The following FHDC1 variants were observed in gnomAD, a reference collection of about 807,000 sequenced individuals.
FHDC1 encodes the protein FH2 domain containing 1, also known as FH2 domain-containing protein 1.
A neutral mutation model predicts 52.6 loss-of-function variants in FHDC1; 25 were observed. The ratio of observed to expected loss-of-function variants is 0.48; its 90% confidence interval spans 0.35 to 0.66. The LOEUF (loss-of-function observed/expected upper bound fraction) is 0.66. Ranked by LOEUF, FHDC1 falls within the 30% of genes least tolerant of loss-of-function variation. The probability of loss-of-function intolerance (pLI) is 0.01; values close to 1 mark genes in which losing one functional copy is unlikely to be tolerated. For missense variants in FHDC1, 1,459 were observed against 1,452.8 expected, an observed-to-expected ratio of 1.00 and a Z score of -0.07; for synonymous variants, 616 against 581.5, an observed-to-expected ratio of 1.06 and a Z score of -0.85.
rs774589425 is a variant in FHDC1, at chr4:152,975,462, T to A, written c.2171T>A (p.Leu724Gln). Residue 724 changes from leucine to glutamine, a missense_variant, in exon 12 of 12, where the codon CTG (leucine) becomes CAG (glutamine). By Grantham distance (113) the Leu-to-Gln change is moderately radical. Around this residue, in one of 3 missense-constraint regions of FHDC1, gnomAD observed 939 missense variants for 854.5 expected, o/e 1.10. Transcript: ENST00000511601. The part of the protein sequence containing the change: ...PQSLSASSSS[L>Q]TPMGRDALGS... ...TCCCTCAGTGCCAGCAGCAGCAGCCTGACACCCATGGGCAGAGATGCCCTG... is the reference window on the plus strand; with the variant it reads ...TCCCTCAGTGCCAGCAGCAGCAGCCAGACACCCATGGGCAGAGATGCCCTG... The A allele has an allele frequency of 1.2e-5, 19 of 1,613,246 alleles. No homozygotes were observed. The highest frequency in any genetic ancestry group is 5.0e-5 in the Admixed American group (3 of 60,008).
At chr4:152,949,109 T>TAAGAAGAAGAAGAAG in intron 2 of FHDC1, among the ~76,000 whole-genome samples, 1 of 75,072 alleles carries the variant, frequency 1.3e-5, no homozygotes, top group South Asian at 5.5e-4. Context: ...ATAATAATAA[T>TAAGAAGAAGAAGAAG]AATAATAATA....
In FHDC1 at chr4:152,972,474, C is replaced by A. The variant is rs1561214564; in HGVS notation, c.1316C>A (p.Thr439Asn). 4 of 1,613,784 alleles carry A rather than the reference C, an allele frequency of 2.5e-6. No homozygotes were observed. The highest frequency in any genetic ancestry group is 2.2e-5 in the East Asian group (1 of 44,882). ...GATTTTTTCTGTGAAGACAAAAAAA[C>A]CATGAAACTGGATGAATGCTTTCAG... ...LIDFFCEDKK[T>N]MKLDECFQIF... Residue 439 changes from threonine to asparagine, a missense_variant, in exon 11 of 12, where the codon ACC becomes AAC. Physicochemically the swap from Thr to Asn is moderately conservative, Grantham distance 65 (BLOSUM62 0). Around this residue, in one of 3 missense-constraint regions of FHDC1, gnomAD observed 513 missense variants for 581.5 expected, o/e 0.88. Transcript: ENST00000511601.
intron 1 of FHDC1, among the ~76,000 whole-genome samples, chr4:152,940,118 G>T (rs1397957082): frequency 6.6e-6 from 1 of 152,224 alleles, no homozygotes; most frequent in Non-Finnish European, 1.5e-5. Context: ...CTGTGGAAAG[G>T]GTTAGAATTC....
At chr4:152,943,601 T>G in intron 2 of FHDC1, 46 bp downstream of exon 2, 1 of 1,559,770 alleles carries the variant, frequency 6.4e-7, no homozygotes, top group Non-Finnish European at 8.7e-7. Context: ...ACTGCATTGT[T>G]TTGTGTTTTG....
At chr4:152,930,520 C>T in the FHDC1 span, among the ~76,000 whole-genome samples, 1 of 152,098 alleles carries the variant, frequency 6.6e-6, no homozygotes. Flanking sequence ...AAAAGACCCC[C>T]CTTCAATTTT....
At chr4:152,961,182 G>T (rs903709853) in intron 6 of FHDC1, among the ~76,000 whole-genome samples, 2 of 152,076 alleles carry the variant, frequency 1.3e-5, no homozygotes, top group African/African-American at 4.8e-5. Context: ...TGTGGTGTGG[G>T]CTGTGCACGT....
At chr4:152,970,362 C>T (rs186688105) in intron 10 of FHDC1, among the ~76,000 whole-genome samples, 3 of 152,200 alleles carry the variant, frequency 2.0e-5, no homozygotes, top group Admixed American at 1.3e-4. Flanking sequence ...CCATTTCTGG[C>T]CCTAATCATG....
rs563673314 is a variant in FHDC1, at chr4:152,967,996, A to G, written c.1117A>G (p.Thr373Ala). 3.1e-6 allele frequency: 5 copies of G among 1,613,486 alleles called. No individual in the cohort carries two copies. The East Asian group carries it at 6.7e-5, about 22-fold the overall frequency. The change falls in exon 10 of 12, where the codon ACG becomes GCG. Residue 373 changes from threonine to alanine, a missense_variant. Coordinates refer to ENST00000511601, the MANE Select transcript of FHDC1 (RefSeq NM_001371116.1). ...TTCTTTTAGATTATCTCTGGAGAAC[A>G]CGGAGGCAGAACTGCACTTGCTGTT... ...QKTARLSLEN[T>A]EAELHLLFVR...
At chr4:152,943,985 G>T (rs926010209) in intron 2 of FHDC1, among the ~76,000 whole-genome samples, 9 of 152,190 alleles carry the variant, frequency 5.9e-5, no homozygotes, top group African/African-American at 1.9e-4. Flanking sequence ...ATCATCAGCT[G>T]ACGTCCATCC....
intron 10 of FHDC1, among the ~76,000 whole-genome samples, chr4:152,970,430 G>A (rs1740607077): frequency 6.6e-6 from 1 of 152,148 alleles, no homozygotes; most frequent in South Asian, 2.1e-4. Context: ...CATTCAGAAT[G>A]TTTCATTTTC....
chr4:152,930,997 A>ACACACACTCT, the FHDC1 span, among the ~76,000 whole-genome samples: 453 of 113,210 alleles, frequency 4.0e-3, 4 homozygotes, highest in African/African-American at 0.01. Flanking sequence ...ACACACACAC[A>ACACACACTCT]CTCTCTCTCT....
chr4:152,952,582 A>T (rs763178320), intron 2 of FHDC1, among the ~76,000 whole-genome samples: 1 of 152,238 alleles, frequency 6.6e-6, no homozygotes, highest in Non-Finnish European at 1.5e-5. Context: ...AACCCCTTAC[A>T]TAACATAATT....
the FHDC1 span, among the ~76,000 whole-genome samples, chr4:152,924,517 T>C: frequency 7.9e-5 from 12 of 151,982 alleles, no homozygotes; most frequent in Admixed American, 3.3e-4. Flanking sequence ...TGGGTATATA[T>C]CCAAAGGACT....
chr4:152,943,592 C>G lies in FHDC1; in HGVS notation c.498+37C>G, dbSNP rs751434046. On this transcript the variant is annotated intron_variant, in intron 2 of 11. Transcript: ENST00000511601. ...AGGTGGAGGGCTAATCCTCCACACA[C>G]TGCATTGTTTTGTGTTTTGGGATGT... is the stretch of plus-strand genomic sequence containing the variant. The G allele has an allele frequency of 1.1e-5, 17 of 1,573,060 alleles. No individual in the cohort carries two copies. In the East Asian group the frequency reaches 3.8e-4, roughly 35 times the overall value.
intron 2 of FHDC1, among the ~76,000 whole-genome samples, chr4:152,951,496 T>C (rs1739925658): frequency 6.6e-6 from 1 of 152,088 alleles, no homozygotes; most frequent in Non-Finnish European, 1.5e-5. Context: ...AATAAACCCC[T>C]AGGTTAGTAA....
At chr4:152,963,769 G>GTTTTTTTTTTTTTTT (rs58783965) in intron 8 of FHDC1, among the ~76,000 whole-genome samples, 17 of 51,802 alleles carry the variant, frequency 3.3e-4, no homozygotes, top group Non-Finnish European at 4.4e-4. Context: ...CCATTGCTTT[G>GTTTTTTTTTTTTTTT]TTTTTTTTTT....
intron 4 of FHDC1, among the ~76,000 whole-genome samples, chr4:152,956,245 C>T (rs1740080982): frequency 6.6e-6 from 1 of 152,098 alleles, no homozygotes; most frequent in South Asian, 2.1e-4. Flanking sequence ...TCCTTTAGGA[C>T]CTCTCTATAC....
rs145183034 is a variant in FHDC1, at chr4:152,953,038, G to A, written c.499-461G>A. Among the ~76,000 whole-genome samples, 286 of 152,172 alleles carry A rather than the reference G, an allele frequency of 1.9e-3. 5 individuals are homozygous for A. The East Asian group carries it at 0.038, about 20-fold the overall frequency. ...TCCCAGCTGCCCTCGGGAGGCTGAG[G>A]CAGGAGAATCACTTGAACCCGGTAG... On this transcript the variant is annotated intron_variant, in intron 2 of 11. Transcript: ENST00000511601.
chr4:152,943,195 A>T lies in FHDC1; in HGVS notation c.138A>T (p.Pro46=), dbSNP rs748138962. ...CTCCTCCACCCCCTCCATCTCCACC[A>T]TGTTCATGTTCAAGGGAAGAGTGTC... The part of the protein sequence containing the change: ...PPPPPPPPSP[P]CSCSREECPS... Residue 46 remains proline, a synonymous_variant, in exon 2 of 12, where the codon CCA becomes CCT. Transcript: ENST00000511601. 1 of 1,570,190 alleles carries T rather than the reference A, an allele frequency of 6.4e-7. No homozygotes were observed. The highest frequency in any genetic ancestry group is 8.6e-7 in the Non-Finnish European group (1 of 1,156,986).
Sources: gnomAD v4.1 joint callset for allele counts (sites outside exome capture counted in the v4.1 genomes callset) on GRCh38, gnomAD v4.1.1 for gene constraint, gnomAD v4.1.1 regional missense constraint, MANE v1.5 for transcripts, NCBI Gene and HGNC (gene_info 2026-07-23, HGNC 2026-07-21) for gene names.